The following RPS25 variants were observed in gnomAD, a reference collection of about 807,000 sequenced individuals.
The protein encoded by RPS25 is ribosomal protein S25, also known as small ribosomal subunit protein eS25.
Under a neutral mutation model 14.4 loss-of-function variants are expected in RPS25, and 1 was observed. The observed-to-expected ratio is 0.07, with a 90% CI of 0.02 to 0.33. RPS25 has a LOEUF of 0.33. RPS25 is among the 10% of genes least tolerant of loss of function. RPS25 has a pLI of 1.00. For missense variants in RPS25, 65 were observed against 144.6 expected, an observed-to-expected ratio of 0.45 and a Z score of 2.82; for synonymous variants, 63 against 53.8, an observed-to-expected ratio of 1.17 and a Z score of -0.75.
chr11:119,017,159 G>T (rs1013131272), intron 3 of RPS25, among the ~76,000 whole-genome samples: 4 of 152,090 alleles, frequency 2.6e-5, no homozygotes, highest in Non-Finnish European at 5.9e-5. Context: ...CTGCCACAGG[G>T]TCCACGGCAC....
rs1193840041 is a variant in RPS25 at position 119,018,189 on chromosome 11, G to A, written c.3+93C>T. 5 of 1,596,740 alleles carry A rather than the reference G, an allele frequency of 3.1e-6. No homozygotes were observed. In the Admixed American group the frequency reaches 6.7e-5, roughly 21 times the overall value. ...ATAACCGCGCCCGCCCTGCAACCGA[G>A]GCCGGCAGGCCAAGGAGCGCTCCCG... On this transcript the variant is annotated intron_variant, in intron 1 of 4. Transcript: ENST00000527673.
Position 119,018,070 on chromosome 11 carries a change from G to C in RPS25, c.4-17C>G. 1.2e-6 allele frequency: 2 copies of C among 1,610,532 alleles called. No individual in the cohort carries two copies. Among genetic ancestry groups the C allele is most frequent in the Non-Finnish European group, 1.7e-6 (2 of 1,178,278 alleles). On this transcript the variant is annotated splice_polypyrimidine_tract_variant and intron_variant, in intron 1 of 4. Transcript: ENST00000527673. The stretch of plus-strand genomic sequence containing the variant: ...CTTAGGCGGCTGTAGGAGGGCAGCG[G>C]GAATGCAACCAGGTCCTCAAATAGC...
chr11:119,017,724 C>A, intron 2 of RPS25, 179 bp from the exon 3 acceptor site: 1 of 694,860 alleles, frequency 1.4e-6, no homozygotes. Flanking sequence ...AGGGGCCGAG[C>A]CCCACTAGAT....
rs147336503 is a variant in RPS25 at position 119,016,510 on chromosome 11, A to G, written c.284-571T>C. Among the ~76,000 whole-genome samples, 18 of 151,906 alleles carry G rather than the reference A, an allele frequency of 1.2e-4. No individual in the cohort carries two copies. In the East Asian group the frequency reaches 2.9e-3, roughly 25 times the overall value. The stretch of plus-strand genomic sequence containing the variant: ...GCTTTGGCCTCCCAAGTAGCTAGAA[A>G]TACAAGGGTACCACTGCACCTGGCT... On this transcript the variant is annotated intron_variant, in intron 3 of 4. Transcript: ENST00000527673.
At chr11:119,017,313 T>A in intron 3 of RPS25, 49 bp downstream of exon 3, 2 of 1,397,276 alleles carry the variant, frequency 1.4e-6, no homozygotes, top group Non-Finnish European at 2.0e-6. Flanking sequence ...CTTAACATGG[T>A]CAAGACAATT....
Position 119,015,859 on chromosome 11 carries a change from C to T in RPS25, c.364G>A (p.Gly122Ser). 6 of 1,604,698 alleles carry T rather than the reference C, an allele frequency of 3.7e-6. No individual in the cohort carries two copies. Among genetic ancestry groups the T allele is most frequent in the South Asian group, 1.1e-5 (1 of 90,832 alleles). Residue 122 changes from glycine to serine, a missense_variant, in exon 4 of 5, where the codon GGT becomes AGT. By Grantham distance (56) the Gly-to-Ser change is moderately conservative. Transcript: ENST00000527673. ...TACTCACCTATTCATGCATCTTCAC[C>T]AGCAGCTGGAGCATCTCCACCCTTG... ...NTKGGDAPAA[G>S]EDA is the part of the protein sequence containing the mutation.
In RPS25 at chr11:119,017,553, C is replaced by G. The variant is rs931681056; in HGVS notation, c.100-8G>C. 1.2e-5 allele frequency: 19 copies of G among 1,610,088 alleles called. No homozygotes were observed. The highest frequency in any genetic ancestry group is 3.4e-5 in the Admixed American group (2 of 59,494). The stretch of plus-strand genomic sequence containing the variant: ...TTTGCCTTTGGACCACTTCTGCTCA[C>G]CAAAACAAAACAGAAACAAGTTAGT... On this transcript the variant is annotated splice_polypyrimidine_tract_variant and splice_region_variant and intron_variant, in intron 2 of 4. Transcript: ENST00000527673.
intron 2 of RPS25, 83 bp downstream of exon 2, chr11:119,017,875 A>C: frequency 9.1e-7 from 1 of 1,100,096 alleles, no homozygotes; most frequent in South Asian, 1.3e-5. Context: ...CACCTGAAAA[A>C]CCACTTACTA....
chr11:119,018,207 C>T, intron 1 of RPS25, 75 bp downstream of exon 1: 1 of 1,607,118 alleles, frequency 6.2e-7, no homozygotes, highest in Non-Finnish European at 8.5e-7. Context: ...GGCCAAGGAG[C>T]GCTCCCGCCG....
intron 3 of RPS25, among the ~76,000 whole-genome samples, chr11:119,016,839 C>CT (rs977019797): frequency 2.6e-5 from 4 of 152,132 alleles, no homozygotes; most frequent in African/African-American, 9.6e-5. Flanking sequence ...CCAGGCTGGT[C>CT]TTTAACTCCT....
intron 3 of RPS25, among the ~76,000 whole-genome samples, chr11:119,016,300 G>C (rs1278463128): frequency 6.6e-6 from 1 of 152,096 alleles, no homozygotes; most frequent in Non-Finnish European, 1.5e-5. Flanking sequence ...TGTTTTGGCC[G>C]GGTGCAGAGG....
chr11:119,016,907 G>T (rs940395867), intron 3 of RPS25, among the ~76,000 whole-genome samples: 1 of 152,048 alleles, frequency 6.6e-6, no homozygotes, highest in East Asian at 1.9e-4. Flanking sequence ...TAGACGTTCA[G>T]TCACTATAGT....
chr11:119,017,257 G>A (rs1943185597), intron 3 of RPS25, 105 bp downstream of exon 3: 2 of 820,176 alleles, frequency 2.4e-6, no homozygotes, highest in South Asian at 2.2e-5. Flanking sequence ...GTCAAGCCAC[G>A]CTTTTTTTTT....
chr11:119,018,286 G>T lies in RPS25; in HGVS notation c.-2C>A, dbSNP rs1480067731. Reference sequence around the variant, plus strand: ...CTTCACACCCCTGAAGCTTACCATTGCGAAGCTCGGAGAATAGCAGCAGAC... The same window carrying T: ...CTTCACACCCCTGAAGCTTACCATTTCGAAGCTCGGAGAATAGCAGCAGAC... On this transcript the variant is annotated 5_prime_UTR_variant, in exon 1 of 5. Coordinates refer to ENST00000527673, the MANE Select transcript of RPS25 (RefSeq NM_001028.3). The T allele has an allele frequency of 1.2e-6, 2 of 1,614,124 alleles. No homozygotes were observed. Among genetic ancestry groups the T allele is most frequent in the Non-Finnish European group, 8.5e-7 (1 of 1,180,002 alleles).
intron 2 of RPS25, 200 bp from the exon 3 acceptor site, chr11:119,017,745 TAACAC>T (rs1943197888): frequency 1.5e-6 from 1 of 669,250 alleles, no homozygotes; most frequent in African/African-American, 1.8e-5. Flanking sequence ...CAGTTAAAAA[TAACAC>T]AGCAGGCACA....
At position 119,016,698 on chromosome 11, in the gene RPS25, T is replaced by G. The variant is rs1049250879; in HGVS notation, c.283+664A>C. ...AAGGCTGGAGTGCAGTGGTGTCATCTCGGCTCACTGCCACCTCCATCTCCT... is the reference window on the plus strand; with the variant it reads ...AAGGCTGGAGTGCAGTGGTGTCATCGCGGCTCACTGCCACCTCCATCTCCT... On this transcript the variant is annotated intron_variant, in intron 3 of 4. Transcript: ENST00000527673. Among the ~76,000 whole-genome samples, 6 of 146,510 alleles carry G rather than the reference T, an allele frequency of 4.1e-5. No homozygotes were observed. In the Admixed American group the frequency reaches 4.1e-4, roughly 10 times the overall value.
chr11:119,017,453 G>A lies in RPS25; in HGVS notation c.192C>T (p.Asn64=), dbSNP rs1172363962. 5 of 1,613,946 alleles carry A rather than the reference G, an allele frequency of 3.1e-6. No homozygotes were observed. Among genetic ancestry groups the A allele is most frequent in the South Asian group, 1.1e-5 (1 of 91,082 alleles). ...CCACAGCTGGGGTTATAAGTTTATA[G>A]TTGGGAACTTCCTTACAGAGTTTAT... The part of the protein sequence containing the change: ...TYDKLCKEVP[N]YKLITPAVVS... Residue 64 remains asparagine, a synonymous_variant, in exon 3 of 5, where the codon AAC becomes AAT. Transcript: ENST00000527673.
Position 119,017,531 on chromosome 11 carries a change from G to C in RPS25, c.114C>G (p.Gly38=), listed in dbSNP as rs138493157. The change falls in exon 3 of 5, where the codon GGC becomes GGG. Residue 38 remains glycine, a synonymous_variant. Transcript: ENST00000527673. ...GKAKKKKWSK[G]KVRDKLNNLV... is the part of the protein sequence containing the mutation. ...AGTTATTGAGCTTGTCCCGAACTTT[G>C]CCTTTGGACCACTTCTGCTCACCAA... is the stretch of plus-strand genomic sequence containing the variant. 346 of 1,613,842 alleles carry C rather than the reference G, an allele frequency of 2.1e-4. No individual in the cohort carries two copies. Among genetic ancestry groups the C allele is most frequent in the Non-Finnish European group, 2.9e-4 (341 of 1,179,932 alleles).
chr11:119,017,889 A>C (rs1284324985), intron 2 of RPS25, 69 bp downstream of exon 2: 2 of 1,249,046 alleles, frequency 1.6e-6, no homozygotes, highest in African/African-American at 3.0e-5. Flanking sequence ...CTTACTATAC[A>C]AGTTACCTAT....
Sources: gnomAD v4.1 joint callset for allele counts (sites outside exome capture counted in the v4.1 genomes callset) on GRCh38, gnomAD v4.1.1 for gene constraint, MANE v1.5 for transcripts, NCBI Gene and HGNC (gene_info 2026-07-23, HGNC 2026-07-21) for gene names.